SLC39A8: variants seen among roughly 807,000 people sequenced by gnomAD.
SLC39A8 encodes the protein solute carrier family 39 member 8, also known as metal cation symporter ZIP8.
SLC39A8 carries 15 observed loss-of-function variants against 40.4 expected under a neutral mutation model. The ratio of observed to expected loss-of-function variants is 0.37; its 90% CI spans 0.25 to 0.57. The LOEUF (loss-of-function observed/expected upper bound fraction) is 0.57, where lower values mean the gene tolerates loss of function less well. SLC39A8 is among the 20% of genes least tolerant of loss of function. The probability of loss-of-function intolerance (pLI) is 0.75; values close to 1 mark genes in which losing one functional copy is unlikely to be tolerated. For synonymous variants in SLC39A8, 223 were observed against 221.6 expected (o/e 1.01, Z -0.06); for missense variants, 472 against 558.8 (o/e 0.84, Z 1.57).
intron 6 of SLC39A8, among the ~76,000 whole-genome samples, chr4:102,304,094 C>T (rs1734028678): frequency 6.6e-6 from 1 of 151,706 alleles, no homozygotes; most frequent in African/African-American, 2.4e-5. Context: ...TAATGAAGTC[C>T]AGAACAGTGA....
intron 6 of SLC39A8, among the ~76,000 whole-genome samples, chr4:102,268,630 C>T (rs1178135151): frequency 6.6e-6 from 1 of 152,210 alleles, no homozygotes; most frequent in African/African-American, 2.4e-5. Context: ...TTATCAACAA[C>T]TTATTGAGTT....
At chr4:102,321,522 T>C (rs969283962) in intron 2 of SLC39A8, among the ~76,000 whole-genome samples, 2 of 152,320 alleles carry the variant, frequency 1.3e-5, no homozygotes, top group African/African-American at 4.8e-5. Flanking sequence ...GAGAGGTCGT[T>C]TTTTTCTTTT....
At chr4:102,271,804 T>C (rs78760108) in intron 6 of SLC39A8, among the ~76,000 whole-genome samples, 2 of 152,206 alleles carry the variant, frequency 1.3e-5, no homozygotes, top group Non-Finnish European at 2.9e-5. Flanking sequence ...AACCATTTTT[T>C]AGCAAAGGAA....
At chr4:102,316,749 G>T (rs1157942421) in intron 2 of SLC39A8, among the ~76,000 whole-genome samples, 1 of 152,124 alleles carries the variant, frequency 6.6e-6, no homozygotes, top group Non-Finnish European at 1.5e-5. Flanking sequence ...TATGTACTAT[G>T]ATCTGAATTA....
At chr4:102,279,480 G>A (rs1198927968) in intron 6 of SLC39A8, among the ~76,000 whole-genome samples, 2 of 152,030 alleles carry the variant, frequency 1.3e-5, no homozygotes, top group East Asian at 3.9e-4. Context: ...CCTGGTCAAG[G>A]GAAAATAGCA....
intron 2 of SLC39A8, among the ~76,000 whole-genome samples, chr4:102,341,674 C>A (rs550719034): frequency 6.6e-6 from 1 of 152,214 alleles, no homozygotes; most frequent in Non-Finnish European, 1.5e-5. Flanking sequence ...AATTGTTCTA[C>A]TGTCTACAGT....
In SLC39A8 at chr4:102,315,715, G is replaced by A; in HGVS notation, c.335C>T (p.Pro112Leu). The A allele has an allele frequency of 6.2e-7, 1 of 1,612,958 alleles. No homozygotes were observed. Among genetic ancestry groups the A allele is most frequent in the Non-Finnish European group, 8.5e-7 (1 of 1,179,334 alleles). The change falls in exon 3 of 9, where the codon CCA becomes CTA. Residue 112 changes from proline to leucine, a missense_variant. By Grantham distance (98) the Pro-to-Leu change is moderately conservative. Around this residue, in one of 4 missense-constraint regions of SLC39A8, gnomAD observed 175 missense variants for 160.5 expected, o/e 1.09. Coordinates refer to ENST00000356736, the MANE Select transcript of SLC39A8 (RefSeq NM_001135146.2). The part of the protein sequence containing the change: ...PAVLQQLNFH[P>L]CEDRPKHKTR... ...TTTGTGCTTGGGCCGATCCTCACAT[G>A]GGTGAAAGTTCAATTGCTGTAAGAC... is the stretch of plus-strand genomic sequence containing the variant.
At chr4:102,261,634 G>A, downstream of SLC39A8, 1 of 898,452 alleles carries the variant, frequency 1.1e-6, no homozygotes, top group Non-Finnish European at 1.3e-6. Context: ...CACTCAACAG[G>A]ACAAATATTA....
chr4:102,342,598 CCTGT>C (rs1308790040), intron 2 of SLC39A8, among the ~76,000 whole-genome samples: 1 of 152,142 alleles, frequency 6.6e-6, no homozygotes, highest in Non-Finnish European at 1.5e-5. Context: ...TGGGCTTCTT[CCTGT>C]CTCTTTTTGA....
At chr4:102,328,541 T>C (rs1560566778) in intron 2 of SLC39A8, among the ~76,000 whole-genome samples, 2 of 152,324 alleles carry the variant, frequency 1.3e-5, no homozygotes, top group Non-Finnish European at 1.5e-5. Context: ...AAATTAATCA[T>C]TTAAAAATTT....
chr4:102,258,628 A>G (rs1731768089), downstream of SLC39A8, among the ~76,000 whole-genome samples: 2 of 152,156 alleles, frequency 1.3e-5, no homozygotes, highest in South Asian at 4.1e-4. Flanking sequence ...TGGCCCTTCC[A>G]GGGTTAAGTG....
intron 6 of SLC39A8, among the ~76,000 whole-genome samples, chr4:102,280,800 A>C (rs909253384): frequency 6.6e-6 from 1 of 152,206 alleles, no homozygotes; most frequent in Non-Finnish European, 1.5e-5. Context: ...CAATTTCTAG[A>C]AACCTCGCAA....
intron 6 of SLC39A8, among the ~76,000 whole-genome samples, chr4:102,278,710 T>C (rs1732734183): frequency 6.6e-6 from 1 of 152,136 alleles, no homozygotes; most frequent in African/African-American, 2.4e-5. Flanking sequence ...TGCTGCACTA[T>C]TTACAATAGC....
chr4:102,320,167 A>G (rs1381954748), intron 2 of SLC39A8, among the ~76,000 whole-genome samples: 3 of 71,010 alleles, frequency 4.2e-5, no homozygotes, highest in Non-Finnish European at 8.7e-5. Flanking sequence ...ATATATATAT[A>G]CATATATATA....
At chr4:102,331,361 T>TTCC (rs1341404242) in intron 2 of SLC39A8, among the ~76,000 whole-genome samples, 1 of 152,174 alleles carries the variant, frequency 6.6e-6, no homozygotes, top group Non-Finnish European at 1.5e-5. Flanking sequence ...ATCACAAGCA[T>TTCC]TCCTATACAC....
intron 6 of SLC39A8, among the ~76,000 whole-genome samples, chr4:102,276,569 G>T (rs911560904): frequency 6.6e-6 from 1 of 152,124 alleles, no homozygotes; most frequent in African/African-American, 2.4e-5. Flanking sequence ...ACAAAGAGAA[G>T]CTGGTACCAT....
intron 4 of SLC39A8, among the ~76,000 whole-genome samples, chr4:102,306,014 T>G (rs1163829896): frequency 1.3e-5 from 2 of 152,100 alleles, no homozygotes; most frequent in Middle Eastern, 3.4e-3. Flanking sequence ...GTTTATACAA[T>G]GCAAAATGGC....
chr4:102,265,650 A>C (rs1732066325), intron 8 of SLC39A8, among the ~76,000 whole-genome samples: 1 of 152,224 alleles, frequency 6.6e-6, no homozygotes, highest in Non-Finnish European at 1.5e-5. Flanking sequence ...GTGCTCCTGT[A>C]ATAGAATGCT....
At chr4:102,263,638 A>C (rs1049953275) in intron 8 of SLC39A8, among the ~76,000 whole-genome samples, 2 of 152,194 alleles carry the variant, frequency 1.3e-5, no homozygotes, top group East Asian at 1.9e-4. Flanking sequence ...ACATCAATTT[A>C]TTTCTTTCAT....
Sources: allele counts gnomAD v4.1 joint callset (sites outside exome capture counted in the v4.1 genomes callset), GRCh38; gene constraint gnomAD v4.1.1; regional missense constraint gnomAD v4.1.1; transcripts MANE v1.5; gene names NCBI Gene and HGNC (gene_info 2026-07-23, HGNC 2026-07-21).